The following KIF15 variants were observed in gnomAD, a reference collection of about 807,000 sequenced individuals.
KIF15 encodes kinesin family member 15, also known as kinesin-like protein KIF15.
KIF15 carries 140 observed loss-of-function variants against 190.6 expected under a neutral mutation model. That is an observed-to-expected ratio of 0.73 (90% CI 0.64 to 0.84). The LOEUF is 0.84. Ranked by LOEUF, KIF15 falls within the 40% of genes least tolerant of loss-of-function variation. The pLI is 0.00. For missense variants in KIF15, 1,372 were observed against 1,584.4 expected, an observed-to-expected ratio of 0.87 and a Z score of 2.28; for synonymous variants, 528 against 551.3, an observed-to-expected ratio of 0.96 and a Z score of 0.59.
intron 7 of KIF15, among the ~76,000 whole-genome samples, chr3:44,793,210 G>T (rs1441219755): frequency 6.6e-6 from 1 of 152,164 alleles, no homozygotes; most frequent in African/African-American, 2.4e-5. Context: ...GCTGGCCCCA[G>T]ACCTCGCCTA....
At position 44,774,454 on chromosome 3, in the gene KIF15, T is replaced by C; in HGVS notation, c.62+17T>C. 6.2e-7 allele frequency: 1 copy of C among 1,601,224 alleles called. No individual in the cohort carries two copies. The highest frequency in any genetic ancestry group is 8.6e-7 in the Non-Finnish European group (1 of 1,168,762). On this transcript the variant is annotated intron_variant, in intron 2 of 34. Coordinates refer to ENST00000326047, the MANE Select transcript of KIF15 (RefSeq NM_020242.3). The stretch of plus-strand genomic sequence containing the variant: ...CCAACCAAGGTAAGGAGAAAAATAT[T>C]CTCAATGAGCTCCCAAAGGACTAGG...
chr3:44,783,547 C>T lies in KIF15; in HGVS notation c.362-1298C>T, dbSNP rs1181939972. Among the ~76,000 whole-genome samples, 10 of 150,930 alleles carry T rather than the reference C, an allele frequency of 6.6e-5. No homozygotes were observed. In the Admixed American group the frequency reaches 6.6e-4, roughly 10 times the overall value. Reference sequence around the variant, plus strand: ...AGGCGACACCTCCAACAGTGGGGATCAAATTTCAACATGAGAATTGGGGCA... The same window carrying T: ...AGGCGACACCTCCAACAGTGGGGATTAAATTTCAACATGAGAATTGGGGCA... On this transcript the variant is annotated intron_variant, in intron 5 of 34. Coordinates refer to ENST00000326047, the MANE Select transcript of KIF15 (RefSeq NM_020242.3).
In KIF15 at chr3:44,819,627, G is replaced by GT. The variant is rs1011588181; in HGVS notation, c.2549+4559dup. Among the ~76,000 whole-genome samples, 40 of 151,974 alleles carry GT rather than the reference G, an allele frequency of 2.6e-4. 1 individual carries two copies. The highest frequency in any genetic ancestry group is 9.2e-4 in the Admixed American group (14 of 15,274). ...TAAGAGACAGTTTGTTGTGATTTCT[G>GT]TTTTTTTTACATTTGCTGAGGAGTG... On this transcript the variant is annotated intron_variant, in intron 20 of 34. Transcript: ENST00000326047.
downstream of KIF15, among the ~76,000 whole-genome samples, chr3:44,857,830 G>C (rs1040332122): frequency 6.6e-6 from 1 of 152,172 alleles, no homozygotes; most frequent in Non-Finnish European, 1.5e-5. Flanking sequence ...GGTAGGTAAC[G>C]GATGGAGAAG....
At chr3:44,815,097 T>C (rs750579493) in intron 20 of KIF15, 21 bp downstream of exon 20, 2 of 1,533,192 alleles carry the variant, frequency 1.3e-6, no homozygotes, top group Non-Finnish European at 1.8e-6. Flanking sequence ...TCTTTTATGG[T>C]TTCAAGTTGC....
At chr3:44,834,551 GA>G (rs1254568852) in intron 26 of KIF15, among the ~76,000 whole-genome samples, 1 of 152,116 alleles carries the variant, frequency 6.6e-6, no homozygotes, top group Non-Finnish European at 1.5e-5. Flanking sequence ...AAAACGTTAG[GA>G]GAGAATTTGT....
chr3:44,785,016 A>G (rs1434670270), intron 6 of KIF15, 74 bp downstream of exon 6: 1 of 733,678 alleles, frequency 1.4e-6, no homozygotes. Context: ...TAATTAGCTC[A>G]TGATACATGG....
chr3:44,837,123 A>C (rs1698360377), intron 26 of KIF15, among the ~76,000 whole-genome samples: 1 of 152,188 alleles, frequency 6.6e-6, no homozygotes, highest in Non-Finnish European at 1.5e-5. Context: ...ATTCAAAAGA[A>C]ACCATAAACA....
chr3:44,778,331 C>G, intron 4 of KIF15, 140 bp downstream of exon 4: 1 of 707,402 alleles, frequency 1.4e-6, no homozygotes, highest in Non-Finnish European at 2.5e-6. Context: ...AAAAGTTCAA[C>G]ATGGGTCTCT....
At chr3:44,802,303 T>A (rs942914980) in intron 13 of KIF15, among the ~76,000 whole-genome samples, 3 of 152,216 alleles carry the variant, frequency 2.0e-5, no homozygotes, top group Non-Finnish European at 2.9e-5. Flanking sequence ...TTCCTTTTCC[T>A]TAGGGAGAAT....
At chr3:44,806,062 G>T (rs1707484855) in intron 16 of KIF15, 76 bp downstream of exon 16, 2 of 1,484,792 alleles carry the variant, frequency 1.3e-6, no homozygotes, top group Non-Finnish European at 1.8e-6. Context: ...AGTCTGCATG[G>T]TCTATCTCCA....
At position 44,838,391 on chromosome 3, in the gene KIF15, G is replaced by A; in HGVS notation, c.3288G>A (p.Lys1096=). The part of the protein sequence containing the change: ...LQSAQEELTK[K]EALIQELQHK... ...CTGCCCAGGAAGAACTGACCAAGAAGGAAGCCCTGATTCAGGAACTTCAGC... is the reference window on the plus strand; with the variant it reads ...CTGCCCAGGAAGAACTGACCAAGAAAGAAGCCCTGATTCAGGAACTTCAGC... The change falls in exon 27 of 35, where the codon AAG becomes AAA. Residue 1096 remains lysine, a synonymous_variant. Coordinates refer to ENST00000326047, the MANE Select transcript of KIF15 (RefSeq NM_020242.3). The A allele has an allele frequency of 6.2e-7, 1 of 1,613,574 alleles. No individual in the cohort carries two copies. Among genetic ancestry groups the A allele is most frequent in the Non-Finnish European group, 8.5e-7 (1 of 1,179,832 alleles).
At chr3:44,768,956 C>G (rs891164499) in intron 1 of KIF15, among the ~76,000 whole-genome samples, 5 of 152,118 alleles carry the variant, frequency 3.3e-5, no homozygotes, top group Admixed American at 2.0e-4. Context: ...AATCCCGAGG[C>G]CTTTTACTGG....
At chr3:44,807,515 C>T (rs372129312) in intron 16 of KIF15, among the ~76,000 whole-genome samples, 2 of 152,054 alleles carry the variant, frequency 1.3e-5, no homozygotes, top group African/African-American at 4.8e-5. Flanking sequence ...TGAGCCACCG[C>T]GCCCAGCCTG....
At chr3:44,833,514 G>A (rs1038853404) in intron 26 of KIF15, among the ~76,000 whole-genome samples, 1 of 151,882 alleles carries the variant, frequency 6.6e-6, no homozygotes, top group Non-Finnish European at 1.5e-5. Context: ...GTGCCCAAAC[G>A]AGATCCCTGG....
At chr3:44,800,568 C>T (rs1707218958) in intron 11 of KIF15, 131 bp downstream of exon 11, 1 of 839,966 alleles carries the variant, frequency 1.2e-6, no homozygotes, top group South Asian at 1.8e-5. Context: ...GCTTATTTCT[C>T]CTATATAGGA....
chr3:44,768,309 G>A (rs1200351769), intron 1 of KIF15, among the ~76,000 whole-genome samples: 2 of 151,852 alleles, frequency 1.3e-5, no homozygotes, highest in Non-Finnish European at 2.9e-5. Context: ...AAAAACCACT[G>A]ATGCAAGATT....
intron 7 of KIF15, among the ~76,000 whole-genome samples, chr3:44,789,749 G>T (rs1706595470): frequency 6.9e-6 from 1 of 145,530 alleles, no homozygotes; most frequent in African/African-American, 2.6e-5. Context: ...ATCCTTATAG[G>T]TTCTTGGAAA....
intron 26 of KIF15, among the ~76,000 whole-genome samples, chr3:44,837,648 A>G (rs1470800814): frequency 6.6e-6 from 1 of 152,136 alleles, no homozygotes; most frequent in African/African-American, 2.4e-5. Context: ...ACATACCTAC[A>G]TACATATATA....
Sources: gnomAD v4.1 joint callset for allele counts (sites outside exome capture counted in the v4.1 genomes callset) on GRCh38, gnomAD v4.1.1 for gene constraint, MANE v1.5 for transcripts, NCBI Gene and HGNC (gene_info 2026-07-23, HGNC 2026-07-21) for gene names.